The following CCDC62 variants were observed in gnomAD, a reference collection of about 807,000 sequenced individuals.
CCDC62 encodes coiled-coil domain containing 62.
CCDC62 carries 72 observed loss-of-function variants against 80.8 expected under a neutral mutation model. The observed-to-expected ratio is 0.89, with a 90% CI of 0.74 to 1.08. CCDC62 has a LOEUF of 1.08. Among genes scored for constraint, CCDC62 ranks in the 50% least tolerant of loss-of-function variants. CCDC62 has a pLI of 0.00. For missense variants in CCDC62, 704 were observed against 809.4 expected (o/e 0.87, Z 1.58); for synonymous variants, 286 against 296.5 (o/e 0.96, Z 0.36).
At chr12:122,822,543 C>G (rs1201133478) in intron 11 of CCDC62, among the ~76,000 whole-genome samples, 1 of 149,032 alleles carries the variant, frequency 6.7e-6, no homozygotes, top group Non-Finnish European at 1.5e-5. Flanking sequence ...CTGGTAATCA[C>G]TATTCTACTC....
Position 122,774,652 on chromosome 12 carries a change from G to C in CCDC62, c.-19G>C, listed in dbSNP as rs151079729. Reference sequence around the variant, plus strand: ...GACGCCGCCCACACCGGGCTTCTCCGGGGGCGGAGGAAACACCTATGAACC... The same window carrying C: ...GACGCCGCCCACACCGGGCTTCTCCCGGGGCGGAGGAAACACCTATGAACC... On this transcript the variant is annotated 5_prime_UTR_variant, in exon 1 of 13. Coordinates refer to ENST00000253079, the MANE Select transcript of CCDC62 (RefSeq NM_201435.5). 154 of 1,248,064 alleles carry C rather than the reference G, an allele frequency of 1.2e-4. No homozygotes were observed. In the East Asian group the frequency reaches 4.8e-3, roughly 39 times the overall value. The allele number at this position is 1,248,064 out of a possible 1,614,324, so 77.3% of individuals were successfully genotyped here. A position where few individuals can be genotyped will look rare whatever the true frequency, so the allele number is the denominator to read the frequency against.
At chr12:122,777,909 T>C (rs182168061) in intron 2 of CCDC62, among the ~76,000 whole-genome samples, 14 of 152,240 alleles carry the variant, frequency 9.2e-5, no homozygotes, top group African/African-American at 3.4e-4. Context: ...TGGATGGAGC[T>C]CCAGTCAACA....
chr12:122,821,226 C>T (rs921625741), intron 11 of CCDC62, among the ~76,000 whole-genome samples: 2 of 152,154 alleles, frequency 1.3e-5, no homozygotes, highest in Non-Finnish European at 2.9e-5. Context: ...CTCACTGGAT[C>T]GGTGCCTGTG....
intron 11 of CCDC62, among the ~76,000 whole-genome samples, chr12:122,815,868 G>T (rs576248625): frequency 1.1e-4 from 17 of 151,990 alleles, no homozygotes; most frequent in Non-Finnish European, 2.2e-4. Flanking sequence ...TTCCCTTACT[G>T]CTCTGGCTAG....
chr12:122,774,938 A>T (rs1045723154), intron 1 of CCDC62, among the ~76,000 whole-genome samples: 7 of 151,048 alleles, frequency 4.6e-5, no homozygotes, highest in Admixed American at 1.3e-4. Context: ...AAATAAAAAA[A>T]AAAAAATTAG....
chr12:122,786,673 GAGAA>G (rs1321390761), intron 4 of CCDC62, among the ~76,000 whole-genome samples: 1 of 151,958 alleles, frequency 6.6e-6, no homozygotes, highest in Non-Finnish European at 1.5e-5. Context: ...TAAAATTAAA[GAGAA>G]AGGCCGGGCA....
chr12:122,782,685 C>T lies in CCDC62; in HGVS notation c.396+1355C>T, dbSNP rs542710730. On this transcript the variant is annotated intron_variant, in intron 3 of 12. Transcript: ENST00000253079. ...GTTGGCCAGGCTGGTCTCCAACGCC[C>T]GACCTCAGGTGATCCGCCCGCCTCA... 7.9e-5 allele frequency among the ~76,000 whole-genome samples: 12 copies of T among 151,798 alleles called. No individual in the cohort carries two copies. The East Asian group carries it at 1.2e-3, about 15-fold the overall frequency.
At chr12:122,797,248 G>A in intron 6 of CCDC62, 59 bp from the exon 7 acceptor site, 2 of 805,370 alleles carry the variant, frequency 2.5e-6, no homozygotes, top group South Asian at 2.8e-5. Flanking sequence ...TGTTGGAAAT[G>A]GAGAGGTTTG....
At chr12:122,796,245 ACT>A (rs1222518464) in intron 6 of CCDC62, among the ~76,000 whole-genome samples, 1 of 145,272 alleles carries the variant, frequency 6.9e-6, no homozygotes, top group East Asian at 2.0e-4. Flanking sequence ...ATTTAAAATT[ACT>A]CTGAGGGCCA....
chr12:122,825,256 A>C (rs1363333271), intron 12 of CCDC62, among the ~76,000 whole-genome samples: 1 of 146,690 alleles, frequency 6.8e-6, no homozygotes, highest in African/African-American at 2.5e-5. Context: ...GCTCACTGCA[A>C]CCTCCACCTC....
chr12:122,785,916 G>T, intron 4 of CCDC62, 96 bp downstream of exon 4: 2 of 811,656 alleles, frequency 2.5e-6, no homozygotes, highest in Non-Finnish European at 2.1e-6. Context: ...CCAGAAATGT[G>T]AAGCTACCAA....
intron 8 of CCDC62, among the ~76,000 whole-genome samples, chr12:122,799,063 G>A (rs967217140): frequency 1.3e-5 from 2 of 152,190 alleles, no homozygotes; most frequent in Non-Finnish European, 2.9e-5. Context: ...CTGGGTGACA[G>A]AGTGAGACTC....
At position 122,774,638 on chromosome 12, in the gene CCDC62, C is replaced by T. The variant is rs1879290465; in HGVS notation, c.-33C>T. On this transcript the variant is annotated 5_prime_UTR_variant, in exon 1 of 13. Coordinates refer to ENST00000253079, the MANE Select transcript of CCDC62 (RefSeq NM_201435.5). ...GGCGTTTCTGAGGTGACGCCGCCCA[C>T]ACCGGGCTTCTCCGGGGGCGGAGGA... is the stretch of plus-strand genomic sequence containing the variant. 1.6e-6 allele frequency: 2 copies of T among 1,244,324 alleles called. No individual in the cohort carries two copies. Among genetic ancestry groups the T allele is most frequent in the Admixed American group, 8.5e-5 (2 of 23,636 alleles). The allele number at this position is 1,244,324 out of a possible 1,614,324, so 77.1% of individuals were successfully genotyped here. A position where few individuals can be genotyped will look rare whatever the true frequency, so the allele number is the denominator to read the frequency against.
intron 2 of CCDC62, among the ~76,000 whole-genome samples, chr12:122,778,354 A>C (rs201926292): frequency 5.1e-4 from 21 of 41,450 alleles, no homozygotes; most frequent in East Asian, 7.0e-4. Context: ...ACCCTGTCCC[A>C]AAAAAAAAAA....
chr12:122,821,263 T>C lies in CCDC62; in HGVS notation c.2002-2103T>C, dbSNP rs555634407. Among the ~76,000 whole-genome samples, 4 of 152,264 alleles carry C rather than the reference T, an allele frequency of 2.6e-5. No individual in the cohort carries two copies. The South Asian group carries it at 6.2e-4, about 24-fold the overall frequency. ...TAGGACTGACAGCGAGCCAGTTATATCTGGGCATTAGCTGATGGCCAGCGT... is the reference window on the plus strand; with the variant it reads ...TAGGACTGACAGCGAGCCAGTTATACCTGGGCATTAGCTGATGGCCAGCGT... On this transcript the variant is annotated intron_variant, in intron 11 of 12. Transcript: ENST00000253079.
intron 4 of CCDC62, among the ~76,000 whole-genome samples, chr12:122,787,376 G>C (rs1359513717): frequency 6.6e-6 from 1 of 150,972 alleles, no homozygotes; most frequent in Non-Finnish European, 1.5e-5. Flanking sequence ...CCCGGAAGCC[G>C]GGAGGTGGAG....
chr12:122,786,731 C>A (rs1479117328), intron 4 of CCDC62, among the ~76,000 whole-genome samples: 2 of 150,574 alleles, frequency 1.3e-5, no homozygotes, highest in South Asian at 4.2e-4. Context: ...GAGGCCGAGG[C>A]GGGCAGATCA....
chr12:122,802,410 C>CTTT (rs752001572), intron 9 of CCDC62, among the ~76,000 whole-genome samples: 1 of 126,844 alleles, frequency 7.9e-6, no homozygotes. Flanking sequence ...TATCTCTACA[C>CTTT]TTTTTTTTTT....
chr12:122,800,089 G>A (rs888250084), intron 8 of CCDC62, among the ~76,000 whole-genome samples: 2 of 151,466 alleles, frequency 1.3e-5, no homozygotes, highest in Non-Finnish European at 2.9e-5. Flanking sequence ...CACCTCCTGG[G>A]TTCAAGCGAT....
Sources: gnomAD v4.1 joint callset for allele counts (sites outside exome capture counted in the v4.1 genomes callset) on GRCh38, gnomAD v4.1.1 for gene constraint, MANE v1.5 for transcripts, NCBI Gene and HGNC (gene_info 2026-07-23, HGNC 2026-07-21) for gene names.